The following NARS2 variants were observed in gnomAD, a reference collection of about 807,000 sequenced individuals.
The protein encoded by NARS2 is asparaginyl-tRNA synthetase 2, mitochondrial.
NARS2 carries 60 observed loss-of-function variants against 62.9 expected under a neutral mutation model. The ratio of observed to expected loss-of-function variants is 0.95; its 90% CI spans 0.77 to 1.18. NARS2 has a LOEUF of 1.18. NARS2 is among the 50% of genes most tolerant of loss of function. The pLI, the probability that NARS2 is intolerant of heterozygous loss-of-function variation, is 0.00. For missense variants in NARS2, 619 were observed against 576.4 expected (o/e 1.07, Z -0.76); for synonymous variants, 196 against 200.0 (o/e 0.98, Z 0.17).
intron 11 of NARS2, among the ~76,000 whole-genome samples, chr11:78,445,882 C>T (rs528489251): frequency 2.0e-5 from 3 of 152,194 alleles, no homozygotes; most frequent in Admixed American, 1.3e-4. Flanking sequence ...ATCACTTGAG[C>T]CCAGGAGTTC....
chr11:78,445,636 A>AT (rs201312882), intron 11 of NARS2, among the ~76,000 whole-genome samples: 1 of 151,956 alleles, frequency 6.6e-6, no homozygotes, highest in Middle Eastern at 3.4e-3. Flanking sequence ...CCAAAAAACA[A>AT]TTAAAAAAAT....
At chr11:78,530,028 ATGTATCGGTATC>A (rs1861422779) in intron 5 of NARS2, among the ~76,000 whole-genome samples, 1 of 152,204 alleles carries the variant, frequency 6.6e-6, no homozygotes, top group Non-Finnish European at 1.5e-5. Flanking sequence ...ACTGCATATC[ATGTATCGGTATC>A]TGTGGATAAA....
intron 11 of NARS2, among the ~76,000 whole-genome samples, chr11:78,456,976 A>C (rs1232322384): frequency 2.6e-5 from 4 of 152,258 alleles, no homozygotes; most frequent in Admixed American, 2.6e-4. Flanking sequence ...GCTACAGGAA[A>C]TCAGAGAATC....
chr11:78,492,975 C>T (rs573732052), intron 7 of NARS2, 88 bp downstream of exon 7: 2 of 1,178,152 alleles, frequency 1.7e-6, no homozygotes, highest in Non-Finnish European at 2.4e-6. Flanking sequence ...TTATGAATAC[C>T]TGTAACACAT....
Position 78,447,167 on chromosome 11 carries a change from GT to G in NARS2, c.1165-3410del, listed in dbSNP as rs1201443498. ...GAGTTATCACTTCACACCTGTTAGT[GT>G]TTTTTTTTTTCTTCCTACATTTATA... On this transcript the variant is annotated intron_variant, in intron 11 of 13. Coordinates refer to ENST00000281038, the MANE Select transcript of NARS2 (RefSeq NM_024678.6). Among the ~76,000 whole-genome samples, 137 of 136,970 alleles carry G rather than the reference GT, an allele frequency of 1.0e-3. 1 individual carries two copies. The highest frequency in any genetic ancestry group is 3.4e-3 in the East Asian group (14 of 4,108). The allele number at this position is 136,970 out of a possible 152,430, so 89.9% of individuals were successfully genotyped here. A position where few individuals can be genotyped will look rare whatever the true frequency, so the allele number is the denominator to read the frequency against.
intron 7 of NARS2, among the ~76,000 whole-genome samples, chr11:78,492,321 C>T (rs1013523898): frequency 6.6e-6 from 1 of 152,184 alleles, no homozygotes; most frequent in African/African-American, 2.4e-5. Context: ...CTTGTGTGCA[C>T]TGTCTGGATT....
At chr11:78,476,532 C>A (rs116308825) in intron 9 of NARS2, among the ~76,000 whole-genome samples, 1,612 of 152,304 alleles carry the variant, frequency 0.011, 35 homozygotes, top group African/African-American at 0.038. Context: ...GGTCCATCTG[C>A]GTGTCTCAAT....
chr11:78,483,031 C>G (rs887416133), intron 7 of NARS2, among the ~76,000 whole-genome samples: 2 of 152,112 alleles, frequency 1.3e-5, no homozygotes, highest in Non-Finnish European at 2.9e-5. Context: ...CATCAAAAAG[C>G]TTATCCACCA....
At chr11:78,516,233 T>C (rs1329830509) in intron 6 of NARS2, among the ~76,000 whole-genome samples, 2 of 152,136 alleles carry the variant, frequency 1.3e-5, no homozygotes, top group Non-Finnish European at 2.9e-5. Flanking sequence ...ACAAACAACA[T>C]GTATTAGGAT....
intron 9 of NARS2, 84 bp from the exon 10 acceptor site, chr11:78,469,397 C>G: frequency 1.1e-6 from 1 of 928,924 alleles, no homozygotes; most frequent in Non-Finnish European, 1.8e-6. Flanking sequence ...AAAAAGCGTA[C>G]TCCTATATCA....
rs373940927 is a variant in NARS2 at position 78,483,472 on chromosome 11, T to C, written c.823-4789A>G. Among the ~76,000 whole-genome samples the C allele has an allele frequency of 3.9e-5, 6 of 152,336 alleles. No homozygotes were observed. In the East Asian group the frequency reaches 9.6e-4, roughly 24 times the overall value. ...TTGTCTCTGTTTACAGATGACATGA[T>C]TGTATATTTAGAAAACCACATCGTC... On this transcript the variant is annotated intron_variant, in intron 7 of 13. Coordinates refer to ENST00000281038, the MANE Select transcript of NARS2 (RefSeq NM_024678.6).
chr11:78,552,313 A>G (rs1590854270), intron 5 of NARS2, among the ~76,000 whole-genome samples: 1 of 152,152 alleles, frequency 6.6e-6, no homozygotes, highest in African/African-American at 2.4e-5. Context: ...CGTTCCCCCA[A>G]GACATGATCT....
chr11:78,510,560 CT>C (rs1860682531), intron 6 of NARS2, among the ~76,000 whole-genome samples: 1 of 152,024 alleles, frequency 6.6e-6, no homozygotes, highest in Non-Finnish European at 1.5e-5. Flanking sequence ...CAGAAGATAA[CT>C]AAAAAGAGAG....
chr11:78,565,857 C>G (rs1856725994), intron 4 of NARS2, among the ~76,000 whole-genome samples: 1 of 152,184 alleles, frequency 6.6e-6, no homozygotes, highest in Non-Finnish European at 1.5e-5. Flanking sequence ...TGCTACAGAC[C>G]TGCTTAACAA....
intron 6 of NARS2, among the ~76,000 whole-genome samples, chr11:78,517,663 C>G (rs1406214448): frequency 6.6e-6 from 1 of 152,122 alleles, no homozygotes; most frequent in Non-Finnish European, 1.5e-5. Context: ...CTAGTGATAC[C>G]CAACCCCTGG....
chr11:78,518,362 G>T (rs1297234823), intron 6 of NARS2, among the ~76,000 whole-genome samples: 1 of 152,128 alleles, frequency 6.6e-6, no homozygotes, highest in Non-Finnish European at 1.5e-5. Flanking sequence ...AATTATAAAA[G>T]AATGAGAATT....
chr11:78,493,008 TAC>T (rs2135324553), intron 7 of NARS2, 53 bp downstream of exon 7: 1 of 1,457,934 alleles, frequency 6.9e-7, no homozygotes, highest in African/African-American at 1.7e-5. Flanking sequence ...TAAAAATATA[TAC>T]AGAAACATTT....
intron 9 of NARS2, among the ~76,000 whole-genome samples, chr11:78,470,884 T>TTA (rs1297996297): frequency 6.7e-6 from 1 of 149,758 alleles, no homozygotes; most frequent in Admixed American, 6.7e-5. Flanking sequence ...TATTTTGGAT[T>TTA]TTTTTTTTTT....
rs150806651 is a variant in NARS2, at chr11:78,498,878, C to T, written c.690-5683G>A. ...ATTTTATTTGGTTCATTATGGCATC[C>T]TCATCCTCAGTCTTTTTTTTTTTTT... On this transcript the variant is annotated intron_variant, in intron 6 of 13. Transcript: ENST00000281038. Among the ~76,000 whole-genome samples the T allele has an allele frequency of 1.7e-3, 254 of 147,184 alleles. 1 individual carries two copies. The highest frequency in any genetic ancestry group is 6.1e-3 in the African/African-American group (246 of 40,200).
Sources: allele counts gnomAD v4.1 joint callset (sites outside exome capture counted in the v4.1 genomes callset), GRCh38; gene constraint gnomAD v4.1.1; transcripts MANE v1.5; gene names NCBI Gene and HGNC (gene_info 2026-07-23, HGNC 2026-07-21).